FDXR: variants seen among roughly 807,000 people sequenced by gnomAD.
FDXR encodes the protein NADPH:adrenodoxin oxidoreductase, mitochondrial.
FDXR carries 38 observed loss-of-function variants against 58.3 expected under a neutral mutation model. That is an observed-to-expected ratio of 0.65 (90% confidence interval 0.50 to 0.85). FDXR has a LOEUF of 0.85. Among genes scored for constraint, FDXR ranks in the 40% least tolerant of loss-of-function variants. FDXR has a pLI of 0.00. For synonymous variants in FDXR, 275 were observed against 273.8 expected (o/e 1.00, Z -0.04); for missense variants, 624 against 671.0 (o/e 0.93, Z 0.77).
Position 74,862,556 on chromosome 17 carries a change from A to G in FDXR, c.*261T>C, listed in dbSNP as rs1598507883. The stretch of plus-strand genomic sequence containing the variant: ...CCAACCTGGTGACCCTCCACAGTCC[A>G]GCAGTAGAGAGATGGGTAAGGGGTT... On this transcript the variant is annotated 3_prime_UTR_variant, in exon 12 of 12. Transcript: ENST00000293195. 1 of 446,332 alleles carries G rather than the reference A, an allele frequency of 2.2e-6. No homozygotes were observed. The highest frequency in any genetic ancestry group is 4.0e-6 in the Non-Finnish European group (1 of 251,658). 27.6% of individuals were successfully genotyped at this position (446,332 alleles called of 1,614,324 possible).
In FDXR at chr17:74,862,764, T is replaced by TC. The variant is rs1225136288; in HGVS notation, c.*52dup. On this transcript the variant is annotated 3_prime_UTR_variant, in exon 12 of 12. Transcript: ENST00000293195. ...GTCCCACTCAGACGGACCCAGCCCT[T>TC]CCCCTCCCAACACTCATCCCTTCCC... The TC allele has an allele frequency of 1.3e-6, 2 of 1,559,716 alleles. No individual in the cohort carries two copies. Among genetic ancestry groups the TC allele is most frequent in the Admixed American group, 1.8e-5 (1 of 56,458 alleles).
intron 2 of FDXR, chr17:74,868,434 T>A (rs1362975730): frequency 5.4e-6 from 4 of 734,622 alleles, no homozygotes; most frequent in Non-Finnish European, 7.2e-6. Flanking sequence ...CTATCATTAC[T>A]ATTCTGTTGT....
At chr17:74,865,009 C>G (rs1425971723) in intron 6 of FDXR, 78 bp from the exon 7 acceptor site, 2 of 1,600,622 alleles carry the variant, frequency 1.2e-6, no homozygotes, top group South Asian at 2.2e-5. Flanking sequence ...ATGTCCCCAC[C>G]GTGGGCCTGG....
At chr17:74,867,083 G>A (rs934744809) in intron 2 of FDXR, 2 of 1,098,320 alleles carry the variant, frequency 1.8e-6, no homozygotes, top group African/African-American at 3.2e-5. Flanking sequence ...GAGGCAGGTG[G>A]ATAACCTGAG....
rs374350931 is a variant in FDXR at position 74,866,590 on chromosome 17, G to A, written c.271-22C>T. 116 of 1,613,398 alleles carry A rather than the reference G, an allele frequency of 7.2e-5. No individual in the cohort carries two copies. The African/African-American group carries it at 1.4e-3, about 20-fold the overall frequency. The stretch of plus-strand genomic sequence containing the variant: ...CATTCTGCCAGGTCCCCCGGGAATG[G>A]GAGGGGTTAGAGGGTAAGGCAGCTC... On this transcript the variant is annotated intron_variant, in intron 3 of 11. Transcript: ENST00000293195.
In FDXR at chr17:74,866,167, G is replaced by A. The variant is rs765117011; in HGVS notation, c.471C>T (p.Phe157=). 1.4e-5 allele frequency: 23 copies of A among 1,613,852 alleles called. No homozygotes were observed. The Admixed American group carries it at 2.3e-4, about 16-fold the overall frequency. Residue 157 remains phenylalanine (F), a synonymous_variant, in exon 5 of 12, where the codon TTC becomes TTT. Coordinates refer to ENST00000293195, the MANE Select transcript of FDXR (RefSeq NM_024417.5). ...CAGGAAGCCCGTTGTACCAGCCCAC[G>A]AAGGCCCGGGCGGAGCACACACCTG... is the stretch of plus-strand genomic sequence containing the variant. ...ELPGVCSARA[F]VGWYNGLPEN...
intron 5 of FDXR, 131 bp from the exon 6 acceptor site, chr17:74,865,951 G>T (rs1442318717): frequency 3.4e-6 from 3 of 880,506 alleles, no homozygotes; most frequent in Non-Finnish European, 5.3e-6. Flanking sequence ...CACAACTCTG[G>T]TCCCTCCTCC....
Position 74,872,044 on chromosome 17 carries a change from G to C in FDXR, c.169C>G (p.Leu57Val). Residue 57 changes from leucine to valine, a missense_variant, in exon 2 of 12, where the codon CTG (leucine) becomes GTG (valine). Leu to Val is a conservative substitution (Grantham distance 32). Coordinates refer to ENST00000293195, the MANE Select transcript of FDXR (RefSeq NM_024417.5). ...ATGAGTAAGTGGCTTACCTTTAGCAGGTGTTGGGCCGTGTAGAAGCCAGCT... is the reference window on the plus strand; with the variant it reads ...ATGAGTAAGTGGCTTACCTTTAGCACGTGTTGGGCCGTGTAGAAGCCAGCT... ...GPAGFYTAQH[L>V]LKHPQAHVDI... The C allele has an allele frequency of 5.0e-6, 8 of 1,589,388 alleles. No individual in the cohort carries two copies. Among genetic ancestry groups the C allele is most frequent in the Non-Finnish European group, 6.9e-6 (8 of 1,167,796 alleles).
intron 7 of FDXR, 126 bp from the exon 8 acceptor site, chr17:74,864,690 C>T: frequency 1.4e-6 from 2 of 1,442,770 alleles, no homozygotes; most frequent in Non-Finnish European, 1.9e-6. Context: ...GGCACAGGGC[C>T]CCCGGGGCCC....
chr17:74,866,559 T>A lies in FDXR; in HGVS notation c.280A>T (p.Asn94Tyr). ...PDHPEVKNVI[N>Y]TFTQTAHSGR... ...GAATGGGCCGTCTGGGTAAATGTGT[T>A]GATGACATTCTGCCAGGTCCCCCGG... Residue 94 changes from asparagine to tyrosine, a missense_variant, in exon 4 of 12, where the codon AAC (asparagine) becomes TAC (tyrosine). By Grantham distance (143) the Asn-to-Tyr change is moderately radical. Coordinates refer to ENST00000293195, the MANE Select transcript of FDXR (RefSeq NM_024417.5). 1 of 1,613,490 alleles carries A rather than the reference T, an allele frequency of 6.2e-7. No homozygotes were observed. The highest frequency in any genetic ancestry group is 8.5e-7 in the Non-Finnish European group (1 of 1,180,012).
intron 2 of FDXR, chr17:74,868,312 A>T: frequency 3.3e-6 from 2 of 605,652 alleles, no homozygotes; most frequent in Non-Finnish European, 5.9e-6. Context: ...TGCACTGGGG[A>T]AAGTTTCTTC....
At chr17:74,868,757 G>C in intron 2 of FDXR, 1 of 1,482,948 alleles carries the variant, frequency 6.7e-7, no homozygotes, top group Non-Finnish European at 8.9e-7. Context: ...ATTCTCTGAG[G>C]TTCTTCCGAT....
rs1190359344 is a variant in FDXR, at chr17:74,866,155, G to A, written c.483C>T (p.Tyr161=). ...CCTCCTGGTTCTCAGGAAGCCCGTT[G>A]TACCAGCCCACGAAGGCCCGGGCGG... ...VCSARAFVGW[Y]NGLPENQELE... Residue 161 remains tyrosine, a synonymous_variant, in exon 5 of 12, where the codon TAC becomes TAT. Coordinates refer to ENST00000293195, the MANE Select transcript of FDXR (RefSeq NM_024417.5). The A allele has an allele frequency of 6.2e-7, 1 of 1,613,672 alleles. No individual in the cohort carries two copies. The highest frequency in any genetic ancestry group is 1.1e-5 in the South Asian group (1 of 91,058).
At position 74,864,566 on chromosome 17, in the gene FDXR, T is replaced by C. The variant is rs2038100881; in HGVS notation, c.718-2A>G. ...TAACTGAATCATCTCCCGAAGCTCC[T>C]TGAAGGTGGGAGCAGGGAATGGGGG... On this transcript the variant is annotated splice_acceptor_variant, in intron 7 of 11. Coordinates refer to ENST00000293195, the MANE Select transcript of FDXR (RefSeq NM_024417.5). LOFTEE classifies it high-confidence loss of function. 6.2e-7 allele frequency: 1 copy of C among 1,613,560 alleles called. No individual in the cohort carries two copies.
chr17:74,866,577 T>TC lies in FDXR; in HGVS notation c.271-10dup. The TC allele has an allele frequency of 6.2e-7, 1 of 1,613,350 alleles. No individual in the cohort carries two copies. Among genetic ancestry groups the TC allele is most frequent in the South Asian group, 1.1e-5 (1 of 91,078 alleles). On this transcript the variant is annotated splice_polypyrimidine_tract_variant and intron_variant, in intron 3 of 11. Transcript: ENST00000293195. ...AATGTGTTGATGACATTCTGCCAGG[T>TC]CCCCCGGGAATGGGAGGGGTTAGAG... is the stretch of plus-strand genomic sequence containing the variant.
rs956420389 is a variant in FDXR, at chr17:74,866,681, C to A, written c.270+103G>T. The A allele has an allele frequency of 6.3e-6, 10 of 1,587,734 alleles. No homozygotes were observed. The South Asian group carries it at 1.0e-4, about 16-fold the overall frequency. ...CAGGAGGGAAGCTGGGTGGCATGGG[C>A]ACAGACGGCATGAAGTCCTGTCATC... On this transcript the variant is annotated intron_variant, in intron 3 of 11. Coordinates refer to ENST00000293195, the MANE Select transcript of FDXR (RefSeq NM_024417.5).
At chr17:74,872,631 G>A in intron 1 of FDXR, 1 of 895,356 alleles carries the variant, frequency 1.1e-6, no homozygotes, top group Non-Finnish European at 1.7e-6. Context: ...CACACCTGTA[G>A]ATCTCAAAGT....
chr17:74,866,119 C>G lies in FDXR; in HGVS notation c.507+12G>C. Reference sequence around the variant, plus strand: ...GGGAGGAAGAGGCAGCGGGCGTGCTCCCCATACTCACCTCCTGGTTCTCAG... The same window carrying G: ...GGGAGGAAGAGGCAGCGGGCGTGCTGCCCATACTCACCTCCTGGTTCTCAG... On this transcript the variant is annotated intron_variant, in intron 5 of 11. Coordinates refer to ENST00000293195, the MANE Select transcript of FDXR (RefSeq NM_024417.5). The G allele has an allele frequency of 6.3e-7, 1 of 1,592,938 alleles. No individual in the cohort carries two copies. Among genetic ancestry groups the G allele is most frequent in the South Asian group, 1.1e-5 (1 of 90,480 alleles).
rs2038017935 is a variant in FDXR at position 74,862,875 on chromosome 17, C to A, written c.1418G>T (p.Gly473Val). 1.2e-6 allele frequency: 2 copies of A among 1,613,138 alleles called. No individual in the cohort carries two copies. The highest frequency in any genetic ancestry group is 3.3e-5 in the Admixed American group (2 of 60,006). ...ATCCACCAGCTTCTCCCTGGGCTTC[C>A]CCGTGCCCTGGCCCCGGGCCACCTC... ...AEEVARGQGT[G>V]KPREKLVDPQ... The change falls in exon 12 of 12, where the codon GGG (glycine) becomes GTG (valine). Residue 473 changes from glycine to valine, a missense_variant. Gly to Val is a moderately radical substitution (Grantham distance 109). Transcript: ENST00000293195.
Sources: gnomAD v4.1 joint callset for allele counts on GRCh38, gnomAD v4.1.1 for gene constraint, MANE v1.5 for transcripts, NCBI Gene and HGNC (gene_info 2026-07-23, HGNC 2026-07-21) for gene names.